The following INPP4B variants were observed in gnomAD, a reference collection of about 807,000 sequenced individuals.
INPP4B encodes the protein inositol polyphosphate-4-phosphatase type II B, also known as inositol polyphosphate 4-phosphatase type II.
Under a neutral mutation model 122.5 loss-of-function variants are expected in INPP4B, and 55 were observed. That is an observed-to-expected ratio of 0.45 (90% CI 0.36 to 0.56). The LOEUF is 0.56. Ranked by LOEUF, INPP4B falls within the 20% of genes least tolerant of loss-of-function variation. The pLI is 0.00. For synonymous variants in INPP4B, 403 were observed against 388.7 expected (o/e 1.04, Z -0.43); for missense variants, 1,000 against 1,097.7 (o/e 0.91, Z 1.26).
In INPP4B at chr4:142,190,310, A is replaced by C. The variant is rs1012089781; in HGVS notation, c.1181+2777T>G. On this transcript the variant is annotated intron_variant, in intron 15 of 25. Coordinates refer to ENST00000262992, the MANE Select transcript of INPP4B (RefSeq NM_001101669.3). ...CCTGCAAAATGTCACTGTTTACTTTAACCTAAAGCCCAAATTACTCATTTC... is the reference window on the plus strand; with the variant it reads ...CCTGCAAAATGTCACTGTTTACTTTCACCTAAAGCCCAAATTACTCATTTC... 2.6e-5 allele frequency among the ~76,000 whole-genome samples: 4 copies of C among 152,008 alleles called. No homozygotes were observed. The East Asian group carries it at 7.7e-4, about 29-fold the overall frequency.
chr4:142,332,556 G>T (rs1416625900), intron 7 of INPP4B, among the ~76,000 whole-genome samples: 1 of 152,016 alleles, frequency 6.6e-6, no homozygotes, highest in Non-Finnish European at 1.5e-5. Context: ...GAAAAGGGGT[G>T]TTTGAGCTAG....
chr4:142,822,016 C>A (rs1046698751), intron 1 of INPP4B, among the ~76,000 whole-genome samples: 5 of 152,118 alleles, frequency 3.3e-5, no homozygotes, highest in African/African-American at 1.2e-4. Context: ...GGCCTTCATT[C>A]CCACATATGG....
intron 2 of INPP4B, among the ~76,000 whole-genome samples, chr4:142,515,716 T>A (rs1018789950): frequency 6.6e-6 from 1 of 152,162 alleles, no homozygotes; most frequent in African/African-American, 2.4e-5. Flanking sequence ...TGTGTAAGGA[T>A]ATGATGTTCA....
At chr4:142,518,860 C>T (rs952568206) in intron 2 of INPP4B, 2 of 152,176 alleles carry the variant, frequency 1.3e-5, no homozygotes, top group South Asian at 4.1e-4. Context: ...GACTGGAACC[C>T]CAGCTGACAA....
intron 21 of INPP4B, among the ~76,000 whole-genome samples, chr4:142,113,099 G>A (rs1416207301): frequency 6.6e-6 from 1 of 151,964 alleles, no homozygotes; most frequent in Non-Finnish European, 1.5e-5. Flanking sequence ...TTTTGGTATG[G>A]CTTGTTTGTT....
chr4:142,568,677 A>C (rs1732165845), intron 2 of INPP4B, among the ~76,000 whole-genome samples: 1 of 152,188 alleles, frequency 6.6e-6, no homozygotes, highest in Admixed American at 6.6e-5. Flanking sequence ...AGAAAAAAAT[A>C]CATTAATAAT....
At chr4:142,471,036 T>G (rs957068488) in intron 2 of INPP4B, among the ~76,000 whole-genome samples, 2 of 152,216 alleles carry the variant, frequency 1.3e-5, no homozygotes, top group African/African-American at 2.4e-5. Flanking sequence ...ATTTAAAAGT[T>G]GTATATCTCA....
intron 2 of INPP4B, among the ~76,000 whole-genome samples, chr4:142,470,416 T>A (rs1422736978): frequency 6.6e-6 from 1 of 152,206 alleles, no homozygotes; most frequent in African/African-American, 2.4e-5. Context: ...GAAGAAAAAG[T>A]TCATACTTGA....
At chr4:142,163,905 T>C (rs1339250277) in intron 16 of INPP4B, among the ~76,000 whole-genome samples, 1 of 151,718 alleles carries the variant, frequency 6.6e-6, no homozygotes, top group African/African-American at 2.4e-5. Flanking sequence ...CTACATTAAA[T>C]GAAAAAAGAA....
chr4:142,400,256 A>G (rs1801168141), intron 7 of INPP4B, among the ~76,000 whole-genome samples: 1 of 152,222 alleles, frequency 6.6e-6, no homozygotes, highest in South Asian at 2.1e-4. Context: ...ACTAATTAGT[A>G]TTCAACCAAT....
chr4:142,446,813 C>A (rs983030133), intron 3 of INPP4B, among the ~76,000 whole-genome samples: 4 of 152,134 alleles, frequency 2.6e-5, no homozygotes, highest in African/African-American at 9.7e-5. Context: ...TAAAACAATA[C>A]TCTTTGGTTC....
rs144564166 is a variant in INPP4B, at chr4:142,140,026, G to A, written c.1720+5814C>T. 3.2e-3 allele frequency among the ~76,000 whole-genome samples: 491 copies of A among 152,220 alleles called. 3 individuals are homozygous for A. Among genetic ancestry groups the A allele is most frequent in the African/African-American group, 0.011 (443 of 41,534 alleles). On this transcript the variant is annotated intron_variant, in intron 18 of 25. Transcript: ENST00000262992. ...AGACAGAGATAAAGTAAAATATAAG[G>A]TAAATATAGTGAATTATCAGATCCC...
At chr4:142,552,013 C>A (rs889507430) in intron 2 of INPP4B, among the ~76,000 whole-genome samples, 1 of 152,046 alleles carries the variant, frequency 6.6e-6, no homozygotes, top group Non-Finnish European at 1.5e-5. Context: ...TGTCAAGTGG[C>A]GGGGGACCTA....
chr4:142,113,216 A>G (rs765299002), intron 21 of INPP4B, among the ~76,000 whole-genome samples: 1 of 152,198 alleles, frequency 6.6e-6, no homozygotes, highest in African/African-American at 2.4e-5. Flanking sequence ...AAACATTAAC[A>G]TATCACAGGA....
chr4:142,208,111 T>G (rs753643814), intron 14 of INPP4B, among the ~76,000 whole-genome samples: 2 of 152,126 alleles, frequency 1.3e-5, no homozygotes, highest in African/African-American at 4.8e-5. Context: ...TTTTTATTTA[T>G]TTTTTTCTAA....
At chr4:142,456,438 G>A (rs992897856) in intron 3 of INPP4B, among the ~76,000 whole-genome samples, 30 of 151,904 alleles carry the variant, frequency 2.0e-4, no homozygotes, top group African/African-American at 5.1e-4. Context: ...TTCACTGTAC[G>A]TCTGTGGCTT....
At chr4:142,590,428 G>T (rs1580444440) in intron 2 of INPP4B, among the ~76,000 whole-genome samples, 1 of 152,286 alleles carries the variant, frequency 6.6e-6, no homozygotes, top group African/African-American at 2.4e-5. Flanking sequence ...AAGACAAAAG[G>T]ATCTGTACAT....
At chr4:142,188,497 A>G (rs1180245004) in intron 15 of INPP4B, among the ~76,000 whole-genome samples, 5 of 112,996 alleles carry the variant, frequency 4.4e-5, no homozygotes, top group Non-Finnish European at 8.5e-5. Flanking sequence ...AAAAAAAAAA[A>G]AAAAAAAAAA....
intron 24 of INPP4B, among the ~76,000 whole-genome samples, chr4:142,082,412 A>G (rs1774390506): frequency 6.6e-6 from 1 of 152,164 alleles, no homozygotes. Flanking sequence ...TGAGGCATGG[A>G]ACTGTTGAAG....
Sources: allele counts gnomAD v4.1 joint callset (sites outside exome capture counted in the v4.1 genomes callset), GRCh38; gene constraint gnomAD v4.1.1; transcripts MANE v1.5; gene names NCBI Gene and HGNC (gene_info 2026-07-23, HGNC 2026-07-21).